Variants in ZFP30 observed in about 807,000 individuals in gnomAD.
ZFP30 encodes the protein ZFP30 zinc finger protein.
ZFP30 carries 16 observed loss-of-function variants against 12.3 expected under a neutral mutation model. The ratio of observed to expected loss-of-function variants is 1.30; its 90% CI spans 0.88 to 1.98. ZFP30 has a LOEUF of 1.98. Ranked by LOEUF, ZFP30 falls within the 30% of genes most tolerant of loss-of-function variation. The pLI, the probability that ZFP30 is intolerant of heterozygous loss-of-function variation, is 0.00. For missense variants in ZFP30, 560 were observed against 611.2 expected, an observed-to-expected ratio of 0.92 and a Z score of 0.88; for synonymous variants, 172 against 201.0, an observed-to-expected ratio of 0.86 and a Z score of 1.22.
intron 5 of ZFP30, among the ~76,000 whole-genome samples, chr19:37,636,719 CTTTTT>C (rs951582570): frequency 6.9e-5 from 10 of 145,742 alleles, no homozygotes; most frequent in South Asian, 6.5e-4. Flanking sequence ...TCTTTCTTTT[CTTTTT>C]TTTTTTTCGA....
At position 37,636,069 on chromosome 19, in the gene ZFP30, A is replaced by T; in HGVS notation, c.472T>A (p.Tyr158Asn). The T allele has an allele frequency of 6.2e-7, 1 of 1,614,170 alleles. No homozygotes were observed. The change falls in exon 6 of 6, where the codon TAC becomes AAC. Residue 158 changes from tyrosine (Y) to asparagine (N), a missense_variant. Transcript: ENST00000684514. ...GCCTTCCCACATTCCCCACATTCGT[A>T]GGGTTTCTCTCTGTTATGACTTTTC... Reference protein sequence around the residue: ...YQKSHNREKPYECGECGKAFR... With the variant: ...YQKSHNREKPNECGECGKAFR...
rs2044239103 is a variant in ZFP30, at chr19:37,631,848, T to G, written c.*3133A>C. 1 of 152,174 alleles carries G rather than the reference T, an allele frequency of 6.6e-6. No individual in the cohort carries two copies. Among genetic ancestry groups the G allele is most frequent in the Admixed American group, 6.5e-5 (1 of 15,290 alleles). The allele number at this position is 152,174 out of a possible 1,614,324, so 9.4% of individuals were successfully genotyped here. On this transcript the variant is annotated 3_prime_UTR_variant, in exon 6 of 6. Coordinates refer to ENST00000684514, the MANE Select transcript of ZFP30 (RefSeq NM_001320669.3). ...CCAAGTTATTCCACATAAATGATTTTCTATTCTAAACTGTTGGATATAATT... is the reference window on the plus strand; with the variant it reads ...CCAAGTTATTCCACATAAATGATTTGCTATTCTAAACTGTTGGATATAATT...
chr19:37,653,628 A>G (rs1457748651), intron 2 of ZFP30, among the ~76,000 whole-genome samples: 1 of 152,160 alleles, frequency 6.6e-6, no homozygotes, highest in Non-Finnish European at 1.5e-5. Context: ...TGATTTAACC[A>G]TTTCCATACT....
At chr19:37,644,398 G>C (rs545137182) in intron 4 of ZFP30, 4 of 352,502 alleles carry the variant, frequency 1.1e-5, no homozygotes, top group Non-Finnish European at 2.0e-5. Context: ...GCTGGGTGTG[G>C]TGGTGTGCGC....
chr19:37,636,205 A>C lies in ZFP30; in HGVS notation c.336T>G (p.Cys112Trp). 6.2e-7 allele frequency: 1 copy of C among 1,614,156 alleles called. No individual in the cohort carries two copies. The highest frequency in any genetic ancestry group is 8.5e-7 in the Non-Finnish European group (1 of 1,180,030). Residue 112 changes from cysteine to tryptophan, a missense_variant, in exon 6 of 6, where the codon TGT becomes TGG. Transcript: ENST00000684514. ...GAGGACTTTCTTGTTCTTCAAGTCC[A>C]CAGCTTTTAATTCTTTCCATTACCT... ...QWKVMERIKSCGLEEQESPHE... is the reference protein window; with the variant it reads ...QWKVMERIKSWGLEEQESPHE...
Position 37,632,213 on chromosome 19 carries a change from G to A in ZFP30, c.*2768C>T, listed in dbSNP as rs530119187. 2 of 151,824 alleles carry A rather than the reference G, an allele frequency of 1.3e-5. No homozygotes were observed. The highest frequency in any genetic ancestry group is 2.9e-5 in the Non-Finnish European group (2 of 67,940). 9.4% of individuals were successfully genotyped at this position (151,824 alleles called of 1,614,324 possible). A position where few individuals can be genotyped will look rare whatever the true frequency, so the allele number is the denominator to read the frequency against. ...AGGCTCTCTTCATTCAGCATGTGAA[G>A]TCAATTTTAGTAATTTTTACCATAA... is the stretch of plus-strand genomic sequence containing the variant. On this transcript the variant is annotated 3_prime_UTR_variant, in exon 6 of 6. Coordinates refer to ENST00000684514, the MANE Select transcript of ZFP30 (RefSeq NM_001320669.3).
At chr19:37,642,428 T>A (rs2044454175) in intron 5 of ZFP30, among the ~76,000 whole-genome samples, 1 of 152,240 alleles carries the variant, frequency 6.6e-6, no homozygotes, top group Non-Finnish European at 1.5e-5. Flanking sequence ...TTTGGCCAAC[T>A]GGAGCCTGAC....
chr19:37,635,659 A>G lies in ZFP30; in HGVS notation c.882T>C (p.Ala294=). ...HLTRHQRLNI[A]EKCYECKECG... is the part of the protein sequence containing the mutation. ...ATTCCTTACACTCATAGCACTTCTC[A>G]GCAATGTTCAGTCTCTGATGTCGAG... Residue 294 remains alanine, a synonymous_variant, in exon 6 of 6, where the codon GCT becomes GCC. Transcript: ENST00000684514. The G allele has an allele frequency of 6.2e-7, 1 of 1,614,148 alleles. No homozygotes were observed. The highest frequency in any genetic ancestry group is 8.5e-7 in the Non-Finnish European group (1 of 1,180,032).
chr19:37,638,092 A>T (rs1436313971), intron 5 of ZFP30, among the ~76,000 whole-genome samples: 1 of 152,166 alleles, frequency 6.6e-6, no homozygotes, highest in African/African-American at 2.4e-5. Context: ...AAAATATATA[A>T]ATGGAAAATA....
chr19:37,655,777 C>G (rs901386234), upstream of ZFP30: 1 of 152,162 alleles, frequency 6.6e-6, no homozygotes, highest in African/African-American at 2.4e-5. Context: ...CGGAGACAGG[C>G]GGAGGCTGCG....
chr19:37,652,580 T>G (rs1174461475), intron 2 of ZFP30, among the ~76,000 whole-genome samples: 1 of 151,756 alleles, frequency 6.6e-6, no homozygotes, highest in Non-Finnish European at 1.5e-5. Flanking sequence ...AAAAAATAAA[T>G]AAATAAATAA....
intron 2 of ZFP30, among the ~76,000 whole-genome samples, chr19:37,654,377 T>C (rs562310136): frequency 3.3e-5 from 5 of 152,246 alleles, no homozygotes; most frequent in Admixed American, 2.0e-4. Context: ...CCCAGAACCA[T>C]TAAACATATC....
Position 37,635,334 on chromosome 19 carries a change from T to C in ZFP30, c.1207A>G (p.Ile403Val). Reference sequence around the variant, plus strand: ...TCATAAGGTTTCTCTCCAATGTGAATACCCTGATGTGAAATAAGTTCTGAG... The same window carrying C: ...TCATAAGGTTTCTCTCCAATGTGAACACCCTGATGTGAAATAAGTTCTGAG... ...RYSELISHQG[I>V]HIGEKPYECK... The change falls in exon 6 of 6, where the codon ATT becomes GTT. Residue 403 changes from isoleucine to valine, a missense_variant. Coordinates refer to ENST00000684514, the MANE Select transcript of ZFP30 (RefSeq NM_001320669.3). The C allele has an allele frequency of 2.5e-6, 4 of 1,614,094 alleles. No homozygotes were observed. The highest frequency in any genetic ancestry group is 3.4e-6 in the Non-Finnish European group (4 of 1,179,996).
At chr19:37,641,194 T>C (rs1326512073) in intron 5 of ZFP30, among the ~76,000 whole-genome samples, 3 of 152,198 alleles carry the variant, frequency 2.0e-5, no homozygotes, top group Non-Finnish European at 4.4e-5. Context: ...CTCCTTCCCA[T>C]CTACTGAAGG....
Position 37,632,518 on chromosome 19 carries a change from G to A in ZFP30, c.*2463C>T, listed in dbSNP as rs969145569. The stretch of plus-strand genomic sequence containing the variant: ...TCTACTTTTTATTGTTTATGCCAGC[G>A]CTGACAATAGAAATACGTGAGCTAC... On this transcript the variant is annotated 3_prime_UTR_variant, in exon 6 of 6. Transcript: ENST00000684514. 1.3e-5 allele frequency: 2 copies of A among 151,942 alleles called. No individual in the cohort carries two copies. Among genetic ancestry groups the A allele is most frequent in the Admixed American group, 6.6e-5 (1 of 15,254 alleles). 9.4% of individuals were successfully genotyped at this position (151,942 alleles called of 1,614,324 possible).
At chr19:37,637,400 A>G (rs1429185776) in intron 5 of ZFP30, among the ~76,000 whole-genome samples, 2 of 151,100 alleles carry the variant, frequency 1.3e-5, no homozygotes, top group African/African-American at 2.4e-5. Flanking sequence ...CATCTTGGCC[A>G]AGCTGGTCTT....
chr19:37,647,685 G>A, intron 3 of ZFP30, 129 bp downstream of exon 3: 1 of 1,176,100 alleles, frequency 8.5e-7, no homozygotes, highest in Non-Finnish European at 1.2e-6. Flanking sequence ...TCCCGTGCTG[G>A]AATGGGGAAG....
At position 37,632,064 on chromosome 19, in the gene ZFP30, C is replaced by T. The variant is rs2044241951; in HGVS notation, c.*2917G>A. 1 of 150,862 alleles carries T rather than the reference C, an allele frequency of 6.6e-6. No individual in the cohort carries two copies. 9.3% of individuals were successfully genotyped at this position (150,862 alleles called of 1,614,324 possible). A position where few individuals can be genotyped will look rare whatever the true frequency, so the allele number is the denominator to read the frequency against. ...GTAAAAAATTAGGTTCTCGGAGTCTCTCTGAGACCACTCTGGCTCAGGAGA... is the reference window on the plus strand; with the variant it reads ...GTAAAAAATTAGGTTCTCGGAGTCTTTCTGAGACCACTCTGGCTCAGGAGA... On this transcript the variant is annotated 3_prime_UTR_variant, in exon 6 of 6. Transcript: ENST00000684514.
chr19:37,656,203 G>T (rs949762201), upstream of ZFP30: 1 of 152,580 alleles, frequency 6.6e-6, no homozygotes, highest in African/African-American at 2.4e-5. Context: ...TCTAGCGGGG[G>T]ATTAGGATGG....
Sources: gnomAD v4.1 joint callset for allele counts (sites outside exome capture counted in the v4.1 genomes callset) on GRCh38, gnomAD v4.1.1 for gene constraint, MANE v1.5 for transcripts, NCBI Gene and HGNC (gene_info 2026-07-23, HGNC 2026-07-21) for gene names.